The following UNC13C variants were observed in gnomAD, a reference collection of about 807,000 sequenced individuals.
UNC13C encodes the protein protein unc-13 homolog C.
A neutral mutation model predicts 245.4 loss-of-function variants in UNC13C; 174 were observed. The observed-to-expected ratio is 0.71, with a 90% CI of 0.63 to 0.80. The LOEUF is 0.80. Ranked by LOEUF, UNC13C falls within the 30% of genes least tolerant of loss-of-function variation. The pLI is 0.00. For synonymous variants in UNC13C, 992 were observed against 895.1 expected, an observed-to-expected ratio of 1.11 and a Z score of -1.93; for missense variants, 2,829 against 2,602.9, an observed-to-expected ratio of 1.09 and a Z score of -1.89.
chr15:54,163,684 C>G (rs1449278507), intron 4 of UNC13C, among the ~76,000 whole-genome samples: 1 of 152,134 alleles, frequency 6.6e-6, no homozygotes, highest in African/African-American at 2.4e-5. Context: ...AAGTCATTTA[C>G]CCAGTATCTG....
intron 13 of UNC13C, 124 bp downstream of exon 13, chr15:54,300,497 A>G: frequency 2.1e-6 from 2 of 971,444 alleles, no homozygotes; most frequent in Non-Finnish European, 2.9e-6. Flanking sequence ...TTCACTGTGC[A>G]TGTTTGATGC....
intron 4 of UNC13C, among the ~76,000 whole-genome samples, chr15:54,230,727 T>C (rs1251252246): frequency 6.6e-6 from 1 of 151,930 alleles, no homozygotes; most frequent in Non-Finnish European, 1.5e-5. Flanking sequence ...ATATTTAAAG[T>C]ATGTTGGCTA....
chr15:54,069,628 C>G (rs1014847506), intron 2 of UNC13C, among the ~76,000 whole-genome samples: 7 of 152,044 alleles, frequency 4.6e-5, no homozygotes, highest in African/African-American at 1.7e-4. Flanking sequence ...TTGTCATGGG[C>G]CATGTACTTG....
intron 1 of UNC13C, among the ~76,000 whole-genome samples, chr15:53,982,181 G>T (rs925795313): frequency 6.6e-6 from 1 of 151,950 alleles, no homozygotes; most frequent in Non-Finnish European, 1.5e-5. Flanking sequence ...CCTGTCTTTT[G>T]CTCCCAACAG....
At chr15:54,360,374 C>A (rs909615921) in intron 17 of UNC13C, among the ~76,000 whole-genome samples, 4 of 152,136 alleles carry the variant, frequency 2.6e-5, no homozygotes, top group Non-Finnish European at 2.9e-5. Flanking sequence ...TCTGCCTGAA[C>A]AATCTGTCCA....
intron 17 of UNC13C, among the ~76,000 whole-genome samples, chr15:54,384,802 A>G (rs2039802394): frequency 6.6e-6 from 1 of 152,130 alleles, no homozygotes; most frequent in South Asian, 2.1e-4. Flanking sequence ...AGGGAACTCA[A>G]ACATCTCAAT....
chr15:54,340,865 A>G (rs2038711917), intron 17 of UNC13C, among the ~76,000 whole-genome samples: 1 of 152,160 alleles, frequency 6.6e-6, no homozygotes, highest in African/African-American at 2.4e-5. Context: ...AAATTTGCAG[A>G]TTGCTTTTGG....
At chr15:54,443,292 A>C (rs1176379272) in intron 19 of UNC13C, among the ~76,000 whole-genome samples, 1 of 151,628 alleles carries the variant, frequency 6.6e-6, no homozygotes, top group Non-Finnish European at 1.5e-5. Context: ...GTTTATTTGG[A>C]TCTTTTTCTT....
the UNC13C span, among the ~76,000 whole-genome samples, chr15:53,955,189 T>C: frequency 2.6e-5 from 4 of 152,112 alleles, 1 homozygote; most frequent in South Asian, 8.3e-4. Flanking sequence ...TTCCCCTGCA[T>C]AGCCACAGAT....
At chr15:54,461,693 C>T (rs767806294) in intron 19 of UNC13C, among the ~76,000 whole-genome samples, 7 of 152,032 alleles carry the variant, frequency 4.6e-5, no homozygotes, top group Non-Finnish European at 7.4e-5. Context: ...GTAGGATTCA[C>T]TAAATAAATA....
the UNC13C span, among the ~76,000 whole-genome samples, chr15:53,935,079 T>TTA: frequency 7.4e-4 from 112 of 152,306 alleles, 1 homozygote; most frequent in Non-Finnish European, 1.4e-3. Context: ...GGAAGTTTAA[T>TTA]TATATTGCTG....
In UNC13C at chr15:54,367,410, T is replaced by C. The variant is rs118081103; in HGVS notation, c.4714-25638T>C. 1.9e-4 allele frequency among the ~76,000 whole-genome samples: 29 copies of C among 152,342 alleles called. No individual in the cohort carries two copies. In the East Asian group the frequency reaches 5.6e-3, roughly 29 times the overall value. ...GTAAATAATTTCTCCCCACCCTTAA[T>C]TCCTATTTGGGAGTTTATTCCACTT... On this transcript the variant is annotated intron_variant, in intron 17 of 32. Coordinates refer to ENST00000260323, the MANE Select transcript of UNC13C (RefSeq NM_001080534.3).
chr15:54,417,435 C>T (rs1019287625), intron 19 of UNC13C, among the ~76,000 whole-genome samples: 1 of 152,006 alleles, frequency 6.6e-6, no homozygotes, highest in Non-Finnish European at 1.5e-5. Flanking sequence ...CTTTTTGTAT[C>T]ATAATGTATA....
At chr15:54,316,021 A>G (rs931568736) in intron 13 of UNC13C, among the ~76,000 whole-genome samples, 2 of 151,756 alleles carry the variant, frequency 1.3e-5, no homozygotes, top group East Asian at 3.9e-4. Context: ...ATCCTCCTAC[A>G]TGCTCCTTCC....
At chr15:54,488,717 T>C (rs1474622969) in intron 19 of UNC13C, among the ~76,000 whole-genome samples, 1 of 152,200 alleles carries the variant, frequency 6.6e-6, no homozygotes, top group Non-Finnish European at 1.5e-5. Context: ...AGCCTTTTCC[T>C]TGTACAGTTT....
chr15:53,899,350 A>C, the UNC13C span, among the ~76,000 whole-genome samples: 1 of 152,246 alleles, frequency 6.6e-6, no homozygotes, highest in African/African-American at 2.4e-5. Flanking sequence ...TTATAAACAC[A>C]TCATTTTCCT....
At chr15:53,863,806 T>C in the UNC13C span, among the ~76,000 whole-genome samples, 1 of 152,218 alleles carries the variant, frequency 6.6e-6, no homozygotes, top group African/African-American at 2.4e-5. Flanking sequence ...CTTACTGTGC[T>C]TCTAATTTCC....
At chr15:54,322,306 T>C (rs2038184218) in intron 14 of UNC13C, among the ~76,000 whole-genome samples, 1 of 152,054 alleles carries the variant, frequency 6.6e-6, no homozygotes, top group Non-Finnish European at 1.5e-5. Flanking sequence ...TGAATCTTCA[T>C]ATCTTAAAGG....
chr15:54,521,313 A>C (rs920908856), intron 24 of UNC13C, among the ~76,000 whole-genome samples: 6 of 152,206 alleles, frequency 3.9e-5, no homozygotes, highest in Non-Finnish European at 5.9e-5. Context: ...TGATGAGCTG[A>C]ACACAGGAAA....
Sources: gnomAD v4.1 joint callset for allele counts (sites outside exome capture counted in the v4.1 genomes callset) on GRCh38, gnomAD v4.1.1 for gene constraint, MANE v1.5 for transcripts, NCBI Gene and HGNC (gene_info 2026-07-23, HGNC 2026-07-21) for gene names.